ARHGAP15: variants seen among roughly 807,000 people sequenced by gnomAD.
The protein encoded by ARHGAP15 is Rho GTPase activating protein 15, also known as rho GTPase-activating protein 15.
Under a neutral mutation model 63.7 loss-of-function variants are expected in ARHGAP15, and 51 were observed. That is an observed-to-expected ratio of 0.80 (90% CI 0.64 to 1.01). The LOEUF is 1.01. ARHGAP15 is among the 50% of genes least tolerant of loss of function. The pLI, the probability that ARHGAP15 is intolerant of heterozygous loss-of-function variation, is 0.00. For missense variants in ARHGAP15, 560 were observed against 564.6 expected, an observed-to-expected ratio of 0.99 and a Z score of 0.08; for synonymous variants, 191 against 193.8, an observed-to-expected ratio of 0.99 and a Z score of 0.12.
chr2:143,545,623 G>C (rs1695297039), intron 10 of ARHGAP15, among the ~76,000 whole-genome samples: 1 of 151,674 alleles, frequency 6.6e-6, no homozygotes, highest in Non-Finnish European at 1.5e-5. Flanking sequence ...AATCCCCATT[G>C]ATTTTTAAAA....
chr2:143,674,673 A>G (rs1446275969), intron 12 of ARHGAP15, among the ~76,000 whole-genome samples: 1 of 152,192 alleles, frequency 6.6e-6, no homozygotes, highest in Non-Finnish European at 1.5e-5. Flanking sequence ...TTGGTTTCCC[A>G]GTGCATATAA....
At chr2:143,646,931 A>G (rs1244413650) in intron 12 of ARHGAP15, among the ~76,000 whole-genome samples, 2 of 152,160 alleles carry the variant, frequency 1.3e-5, no homozygotes, top group African/African-American at 2.4e-5. Context: ...TGAAATGGTC[A>G]GTTTCTTTCT....
chr2:143,363,304 G>A (rs183575675), intron 6 of ARHGAP15, among the ~76,000 whole-genome samples: 45 of 152,240 alleles, frequency 3.0e-4, no homozygotes, highest in Admixed American at 5.9e-4. Flanking sequence ...ACTTTTGGAG[G>A]CCAAGGAGGA....
rs532890317 is a variant in ARHGAP15, at chr2:143,659,921, A to T, written c.1138+35654A>T. 3.3e-5 allele frequency among the ~76,000 whole-genome samples: 5 copies of T among 152,242 alleles called. No homozygotes were observed. The South Asian group carries it at 1.0e-3, about 32-fold the overall frequency. On this transcript the variant is annotated intron_variant, in intron 12 of 13. Transcript: ENST00000295095. ...TTTTCCCCCAAGAGAATTTGAAGTA[A>T]TAAGTGGGTGTTCATCTTAAGGAAA... is the stretch of plus-strand genomic sequence containing the variant.
intron 8 of ARHGAP15, among the ~76,000 whole-genome samples, chr2:143,467,603 A>T (rs1042919144): frequency 2.0e-5 from 3 of 152,226 alleles, no homozygotes; most frequent in East Asian, 3.9e-4. Context: ...TGCTTCCATC[A>T]TAAGGATTGA....
intron 3 of ARHGAP15, among the ~76,000 whole-genome samples, chr2:143,216,072 G>A (rs1470501401): frequency 6.6e-6 from 1 of 152,172 alleles, no homozygotes; most frequent in Non-Finnish European, 1.5e-5. Context: ...CATTCAATTT[G>A]TCTTTCTTTT....
intron 6 of ARHGAP15, among the ~76,000 whole-genome samples, chr2:143,405,128 CAAAT>C (rs60371745): frequency 0.017 from 2,598 of 151,934 alleles, 21 homozygotes; most frequent in South Asian, 0.035. Flanking sequence ...ATTTGTAATG[CAAAT>C]AAATCTTTTT....
chr2:143,420,882 A>G (rs1313174144), intron 6 of ARHGAP15, among the ~76,000 whole-genome samples: 1 of 152,228 alleles, frequency 6.6e-6, no homozygotes, highest in Non-Finnish European at 1.5e-5. Context: ...AGGAGAGGCC[A>G]TAACACTATT....
chr2:143,286,423 G>A lies in ARHGAP15; in HGVS notation c.474+35823G>A, dbSNP rs546529049. Among the ~76,000 whole-genome samples the A allele has an allele frequency of 9.9e-5, 15 of 152,262 alleles. 1 individual carries two copies. In the South Asian group the frequency reaches 1.9e-3, roughly 19 times the overall value. On this transcript the variant is annotated intron_variant, in intron 6 of 13. Transcript: ENST00000295095. ...AACAAGGTAAATGGAACAATTCTAA[G>A]TTTTTTAGTTTTTCTTTGTAATTTG...
chr2:143,406,834 A>G (rs1194535007), intron 6 of ARHGAP15, among the ~76,000 whole-genome samples: 1 of 151,626 alleles, frequency 6.6e-6, no homozygotes, highest in East Asian at 1.9e-4. Context: ...TCATTTAGGG[A>G]CTCAGGTTTC....
At chr2:143,484,331 A>ACTCCAG (rs1196656026) in intron 8 of ARHGAP15, among the ~76,000 whole-genome samples, 1 of 146,374 alleles carries the variant, frequency 6.8e-6, no homozygotes, top group East Asian at 2.0e-4. Flanking sequence ...GCACCACTGC[A>ACTCCAG]CTCCAGCGTG....
intron 12 of ARHGAP15, among the ~76,000 whole-genome samples, chr2:143,625,325 A>G (rs559595677): frequency 1.4e-4 from 21 of 152,238 alleles, no homozygotes; most frequent in East Asian, 1.2e-3. Flanking sequence ...GCCCCTCAAC[A>G]TGCCCTCTAA....
chr2:143,401,416 A>T (rs2104997126), intron 6 of ARHGAP15, among the ~76,000 whole-genome samples: 1 of 152,164 alleles, frequency 6.6e-6, no homozygotes, highest in Middle Eastern at 3.4e-3. Context: ...AGTATTTGAA[A>T]GGACATCATT....
chr2:143,539,587 T>C (rs1023161745), intron 10 of ARHGAP15, among the ~76,000 whole-genome samples: 1 of 152,214 alleles, frequency 6.6e-6, no homozygotes, highest in Non-Finnish European at 1.5e-5. Flanking sequence ...GTGTCTTTGT[T>C]CTCGTTGGTT....
chr2:143,490,223 T>A (rs188539795), intron 9 of ARHGAP15, among the ~76,000 whole-genome samples: 1 of 152,070 alleles, frequency 6.6e-6, no homozygotes, highest in South Asian at 2.1e-4. Flanking sequence ...ATGGTCTCAA[T>A]CTCCTGACCT....
chr2:143,276,091 G>A (rs1308838086), intron 6 of ARHGAP15, among the ~76,000 whole-genome samples: 2 of 152,126 alleles, frequency 1.3e-5, no homozygotes, highest in African/African-American at 4.8e-5. Context: ...CTCTTCTGTA[G>A]TGCATACAAC....
intron 8 of ARHGAP15, among the ~76,000 whole-genome samples, chr2:143,471,023 ATGTG>A: frequency 6.7e-6 from 1 of 148,904 alleles, no homozygotes; most frequent in East Asian, 2.0e-4. Flanking sequence ...AGATATGAAT[ATGTG>A]TGTATATATG....
At chr2:143,421,794 ATATATATG>A (rs1046796734) in intron 6 of ARHGAP15, among the ~76,000 whole-genome samples, 3 of 9,008 alleles carry the variant, frequency 3.3e-4, no homozygotes, top group African/African-American at 1.2e-3. Flanking sequence ...ATATATATAT[ATATATATG>A]TGTGTGTTTC....
chr2:143,182,337 G>C (rs1170771420), intron 2 of ARHGAP15, among the ~76,000 whole-genome samples: 1 of 152,192 alleles, frequency 6.6e-6, no homozygotes, highest in African/African-American at 2.4e-5. Context: ...TCAGAGAATA[G>C]GGAGGCAGAG....
Sources: gnomAD v4.1 joint callset for allele counts (sites outside exome capture counted in the v4.1 genomes callset) on GRCh38, gnomAD v4.1.1 for gene constraint, MANE v1.5 for transcripts, NCBI Gene and HGNC (gene_info 2026-07-23, HGNC 2026-07-21) for gene names.